TDRD9: variants seen among roughly 807,000 people sequenced by gnomAD.
TDRD9 encodes tudor domain containing 9.
TDRD9 carries 124 observed loss-of-function variants against 172.6 expected under a neutral mutation model. That is an observed-to-expected ratio of 0.72 (90% CI 0.62 to 0.83). The LOEUF (loss-of-function observed/expected upper bound fraction) is 0.83. Ranked by LOEUF, TDRD9 falls within the 40% of genes least tolerant of loss-of-function variation. The pLI, the probability that TDRD9 is intolerant of heterozygous loss-of-function variation, is 0.00. For synonymous variants in TDRD9, 619 were observed against 617.1 expected, an observed-to-expected ratio of 1.00 and a Z score of -0.05; for missense variants, 1,479 against 1,714.1, an observed-to-expected ratio of 0.86 and a Z score of 2.42.
At chr14:103,978,274 A>T (rs751063015) in intron 7 of TDRD9, among the ~76,000 whole-genome samples, 1 of 152,004 alleles carries the variant, frequency 6.6e-6, no homozygotes, top group Non-Finnish European at 1.5e-5. Flanking sequence ...TAGTCATTTT[A>T]ATAGTATAAA....
rs1254535363 is a variant in TDRD9 at position 104,052,019 on chromosome 14, G to T, written c.4086G>T (p.Glu1362Asp). ...TGGTCATGGAGCAGGCCGACCGTGA[G>T]AGCAGCAGAGGGAAGAACACCTTTC... ...PKLVMEQADR[E>D]SSRGKNTFLY... Residue 1362 changes from glutamate (E) to aspartate (D), a missense_variant, in exon 36 of 36, where the codon GAG becomes GAT. This residue lies in a region of TDRD9 where 1,413 missense variants were observed against 1,649.1 expected (regional missense o/e 0.86). Transcript: ENST00000409874. 1 of 1,596,980 alleles carries T rather than the reference G, an allele frequency of 6.3e-7. No individual in the cohort carries two copies. Among genetic ancestry groups the T allele is most frequent in the Non-Finnish European group, 8.5e-7 (1 of 1,171,532 alleles).
chr14:103,957,368 G>A (rs1387564422), intron 2 of TDRD9, among the ~76,000 whole-genome samples: 1 of 152,164 alleles, frequency 6.6e-6, no homozygotes, highest in Non-Finnish European at 1.5e-5. Flanking sequence ...AGAGGTTTGT[G>A]TATTTCATCT....
At chr14:103,991,339 C>A in intron 9 of TDRD9, 115 bp downstream of exon 9, 1 of 1,073,510 alleles carries the variant, frequency 9.3e-7, no homozygotes, top group Non-Finnish European at 1.4e-6. Context: ...ATTCTTTTTA[C>A]ACTTTGAGTA....
At position 104,032,091 on chromosome 14, in the gene TDRD9, T is replaced by C. The variant is rs148393162; in HGVS notation, c.3509+4T>C. On this transcript the variant is annotated splice_donor_region_variant and intron_variant, in intron 30 of 35. Transcript: ENST00000409874. ...TGACCAGAATATCCAAATTCAGGTA[T>C]GATTAACTTAAGTTTTCCATGAATT... The C allele has an allele frequency of 3.0e-3, 4,634 of 1,534,962 alleles. 132 individuals are homozygous for C. In the African/African-American group the frequency reaches 0.057, roughly 19 times the overall value.
intron 1 of TDRD9, among the ~76,000 whole-genome samples, chr14:103,943,714 T>G (rs2031400747): frequency 1.3e-5 from 2 of 152,188 alleles, no homozygotes; most frequent in African/African-American, 4.8e-5. Context: ...GGTCTTTTAC[T>G]CCCCAGTTCT....
chr14:103,941,566 A>C (rs17101950), intron 1 of TDRD9: 3 of 1,535,010 alleles, frequency 2.0e-6, no homozygotes, highest in Non-Finnish European at 2.6e-6. Flanking sequence ...TCTTGTATTA[A>C]TCTCTCTCGC....
chr14:103,966,609 C>T lies in TDRD9; in HGVS notation c.643-100C>T, dbSNP rs918410201. 4.3e-6 allele frequency: 5 copies of T among 1,160,500 alleles called. No individual in the cohort carries two copies. The Admixed American group carries it at 9.1e-5, about 21-fold the overall frequency. 71.9% of individuals were successfully genotyped at this position (1,160,500 alleles called of 1,614,324 possible). A position where few individuals can be genotyped will look rare whatever the true frequency, so the allele number is the denominator to read the frequency against. Reference sequence around the variant, plus strand: ...GGAGCCTGTGTATCTTTCGAAATACCTTAATTTTTCATTCCCTTTCTTACC... The same window carrying T: ...GGAGCCTGTGTATCTTTCGAAATACTTTAATTTTTCATTCCCTTTCTTACC... On this transcript the variant is annotated intron_variant, in intron 4 of 35. Coordinates refer to ENST00000409874, the MANE Select transcript of TDRD9 (RefSeq NM_153046.3).
chr14:103,937,758 T>A (rs1451752112), intron 1 of TDRD9, among the ~76,000 whole-genome samples: 1 of 152,210 alleles, frequency 6.6e-6, no homozygotes, highest in Non-Finnish European at 1.5e-5. Context: ...AGAGGGTGTG[T>A]GTGTGTATTG....
chr14:103,986,139 G>T, intron 7 of TDRD9, 78 bp from the exon 8 acceptor site: 1 of 998,870 alleles, frequency 1.0e-6, no homozygotes. Context: ...CTAATGGTGA[G>T]AGCCAGTCCC....
chr14:104,041,981 C>T, intron 33 of TDRD9, 88 bp from the exon 34 acceptor site: 1 of 903,934 alleles, frequency 1.1e-6, no homozygotes, highest in Non-Finnish European at 1.8e-6. Context: ...ACAGAGAATA[C>T]TAACTCTGAA....
intron 23 of TDRD9, among the ~76,000 whole-genome samples, chr14:104,018,700 G>A (rs1185137427): frequency 6.6e-6 from 1 of 152,178 alleles, no homozygotes; most frequent in Non-Finnish European, 1.5e-5. Context: ...GAGCATCACT[G>A]AGTTTTTATT....
chr14:104,037,291 G>A (rs4906408), intron 32 of TDRD9, among the ~76,000 whole-genome samples: 5 of 152,032 alleles, frequency 3.3e-5, no homozygotes, highest in South Asian at 2.1e-4. Context: ...GCCCATGCCC[G>A]TTTGCTTCCT....
chr14:104,032,845 T>C (rs1260307751), intron 30 of TDRD9, among the ~76,000 whole-genome samples: 1 of 152,144 alleles, frequency 6.6e-6, no homozygotes, highest in Non-Finnish European at 1.5e-5. Context: ...CAGAACATCA[T>C]GAAAGCATCT....
intron 1 of TDRD9, among the ~76,000 whole-genome samples, chr14:103,938,114 C>T (rs757431693): frequency 3.3e-5 from 5 of 151,800 alleles, no homozygotes; most frequent in East Asian, 1.9e-4. Flanking sequence ...TATAAGGTTA[C>T]GATGAAATGA....
chr14:103,933,047 C>G (rs189292370), intron 1 of TDRD9, among the ~76,000 whole-genome samples: 2 of 152,090 alleles, frequency 1.3e-5, no homozygotes, highest in South Asian at 2.1e-4. Context: ...AAGGTGTTGC[C>G]GGAGTGCCTG....
chr14:104,006,300 T>A, intron 15 of TDRD9, 89 bp from the exon 16 acceptor site: 1 of 1,091,792 alleles, frequency 9.2e-7, no homozygotes, highest in Non-Finnish European at 1.3e-6. Flanking sequence ...AAATTAGGTC[T>A]TTGTTTCCTG....
Position 103,965,349 on chromosome 14 carries a change from A to G in TDRD9, c.437A>G (p.Glu146Gly), listed in dbSNP as rs1486603007. The change falls in exon 4 of 36, where the codon GAA becomes GGA. Residue 146 changes from glutamate (E) to glycine (G), a missense_variant. Glu to Gly is a moderately conservative substitution (Grantham distance 98). Transcript: ENST00000409874. The part of the protein sequence containing the change: ...RYKEEVVSLI[E>G]SNSVVIIHGA... ...AATTTCTAGGTTGTGTCTTTGATAG[A>G]AAGTAATTCCGTGGTGATTATCCAT... The G allele has an allele frequency of 1.9e-6, 3 of 1,551,626 alleles. No individual in the cohort carries two copies. The highest frequency in any genetic ancestry group is 2.6e-6 in the Non-Finnish European group (3 of 1,146,994).
chr14:103,968,768 C>T (rs1206025948), intron 5 of TDRD9, among the ~76,000 whole-genome samples: 2 of 43,466 alleles, frequency 4.6e-5, no homozygotes, highest in East Asian at 8.1e-4. Context: ...TGCACTCCAG[C>T]CTGGGCGACA....
intron 13 of TDRD9, among the ~76,000 whole-genome samples, chr14:104,003,957 G>C (rs1029387077): frequency 1.3e-5 from 2 of 152,250 alleles, no homozygotes; most frequent in African/African-American, 4.8e-5. Context: ...TCAGAAATAT[G>C]CATTGGATTT....
Sources: gnomAD v4.1 joint callset for allele counts (sites outside exome capture counted in the v4.1 genomes callset) on GRCh38, gnomAD v4.1.1 for gene constraint, gnomAD v4.1.1 regional missense constraint, MANE v1.5 for transcripts, NCBI Gene and HGNC (gene_info 2026-07-23, HGNC 2026-07-21) for gene names.